PKD2: variants seen among roughly 807,000 people sequenced by gnomAD.
The protein encoded by PKD2 is polycystin-2.
PKD2 carries 48 observed loss-of-function variants against 105.9 expected under a neutral mutation model. That is an observed-to-expected ratio of 0.45 (90% CI 0.36 to 0.58). The LOEUF (loss-of-function observed/expected upper bound fraction) is 0.58. PKD2 is among the 20% of genes least tolerant of loss of function. PKD2 has a pLI of 0.00. For missense variants in PKD2, 1,078 were observed against 1,255.3 expected (o/e 0.86, Z 2.13); for synonymous variants, 464 against 481.1 (o/e 0.96, Z 0.46).
In PKD2 at chr4:88,007,957, C is replaced by A; in HGVS notation, c.224C>A (p.Pro75His). The A allele has an allele frequency of 6.7e-7, 1 of 1,488,068 alleles. No individual in the cohort carries two copies. The highest frequency in any genetic ancestry group is 8.9e-7 in the Non-Finnish European group (1 of 1,121,586). The allele number at this position is 1,488,068 out of a possible 1,614,324, so 92.2% of individuals were successfully genotyped here. The change falls in exon 1 of 15, where the codon CCT becomes CAT. Residue 75 changes from proline to histidine, a missense_variant. Physicochemically the swap from Pro to His is moderately conservative, Grantham distance 77 (BLOSUM62 -2). Transcript: ENST00000237596. ...RDPPAGAAAS[P>H]SPPLSSCSRQ... ...CCCCCGGCCGGAGCCGCGGCCTCCC[C>A]TTCTCCTCCGCTCTCGTCGTGCTCC...
rs902705507 is a variant in PKD2, at chr4:88,077,362, A to G, written c.*1668A>G. On this transcript the variant is annotated 3_prime_UTR_variant, in exon 15 of 15. Transcript: ENST00000237596. ...ACAAAGTTCTTTATTACTACATACT[A>G]AAGTTTGCATTCCAGGGATATTGAC... 3.9e-5 allele frequency: 6 copies of G among 152,646 alleles called. No individual in the cohort carries two copies. Among genetic ancestry groups the G allele is most frequent in the African/African-American group, 1.2e-4 (5 of 41,458 alleles). 9.5% of individuals were successfully genotyped at this position (152,646 alleles called of 1,614,324 possible). A position where few individuals can be genotyped will look rare whatever the true frequency, so the allele number is the denominator to read the frequency against.
intron 13 of PKD2, among the ~76,000 whole-genome samples, chr4:88,070,926 C>T (rs999757990): frequency 6.6e-6 from 1 of 151,412 alleles, no homozygotes; most frequent in African/African-American, 2.4e-5. Context: ...TGAGCCACCG[C>T]ACTTAGCCTG....
At chr4:88,041,973 T>C (rs1330580274) in intron 4 of PKD2, among the ~76,000 whole-genome samples, 3 of 152,156 alleles carry the variant, frequency 2.0e-5, no homozygotes, top group Non-Finnish European at 4.4e-5. Flanking sequence ...GTGTGCCTCT[T>C]AGAACTTTCC....
chr4:88,031,073 G>C (rs1210144298), intron 2 of PKD2, among the ~76,000 whole-genome samples: 2 of 152,066 alleles, frequency 1.3e-5, no homozygotes, highest in Non-Finnish European at 2.9e-5. Flanking sequence ...TTGAATTTTG[G>C]TCTTTTTCCA....
At chr4:88,063,724 G>A (rs1347844273) in intron 10 of PKD2, among the ~76,000 whole-genome samples, 6 of 152,136 alleles carry the variant, frequency 3.9e-5, no homozygotes, top group African/African-American at 1.4e-4. Context: ...AGAACTTAGG[G>A]CAGGTCTATC....
At chr4:88,069,372 G>A (rs1422401458) in intron 13 of PKD2, among the ~76,000 whole-genome samples, 3 of 151,178 alleles carry the variant, frequency 2.0e-5, no homozygotes, top group Non-Finnish European at 3.0e-5. Flanking sequence ...CTCTTTCACT[G>A]CTTTCTTGTA....
At chr4:88,012,230 A>G (rs914958118) in intron 1 of PKD2, among the ~76,000 whole-genome samples, 1 of 152,214 alleles carries the variant, frequency 6.6e-6, no homozygotes, top group Non-Finnish European at 1.5e-5. Flanking sequence ...CCTGTGAAGA[A>G]AGAACTCTCA....
intron 13 of PKD2, among the ~76,000 whole-genome samples, chr4:88,069,435 AT>A (rs1328602796): frequency 1.3e-5 from 2 of 151,224 alleles, no homozygotes; most frequent in Non-Finnish European, 1.5e-5. Flanking sequence ...ATGATTTTTC[AT>A]TTTTTTTAGT....
chr4:88,007,802 G>A lies in PKD2; in HGVS notation c.69G>A (p.Ala23=). The A allele has an allele frequency of 1.7e-6, 2 of 1,165,640 alleles. No individual in the cohort carries two copies. The highest frequency in any genetic ancestry group is 2.1e-6 in the Non-Finnish European group (2 of 945,570). The allele number at this position is 1,165,640 out of a possible 1,614,324, so 72.2% of individuals were successfully genotyped here. A position where few individuals can be genotyped will look rare whatever the true frequency, so the allele number is the denominator to read the frequency against. The change falls in exon 1 of 15, where the codon GCG becomes GCA. Residue 23 remains alanine (A), a synonymous_variant. Coordinates refer to ENST00000237596, the MANE Select transcript of PKD2 (RefSeq NM_000297.4). ...CCAAGCGGCCGCCCGCGCCCCGCGCGCCGGACCCGGGCCGGCTGATGGCTG... is the reference window on the plus strand; with the variant it reads ...CCAAGCGGCCGCCCGCGCCCCGCGCACCGGACCCGGGCCGGCTGATGGCTG... ...GDAKRPPAPR[A]PDPGRLMAGC...
chr4:88,062,995 A>T (rs919071011), intron 10 of PKD2, among the ~76,000 whole-genome samples: 1 of 152,214 alleles, frequency 6.6e-6, no homozygotes, highest in Non-Finnish European at 1.5e-5. Context: ...TTCAAATTTC[A>T]GTTATCATAG....
In PKD2 at chr4:88,077,247, C is replaced by G. The variant is rs1396921736; in HGVS notation, c.*1553C>G. 1 of 152,578 alleles carries G rather than the reference C, an allele frequency of 6.6e-6. No individual in the cohort carries two copies. Among genetic ancestry groups the G allele is most frequent in the Non-Finnish European group, 1.5e-5 (1 of 68,032 alleles). 9.5% of individuals were successfully genotyped at this position (152,578 alleles called of 1,614,324 possible). ...CCAATGAGAACATGAGCAAATAGACCTTTCCAGGTTGAAAGTGAAACATAC... is the reference window on the plus strand; with the variant it reads ...CCAATGAGAACATGAGCAAATAGACGTTTCCAGGTTGAAAGTGAAACATAC... On this transcript the variant is annotated 3_prime_UTR_variant, in exon 15 of 15. Transcript: ENST00000237596.
chr4:88,051,912 GA>G, intron 6 of PKD2, 78 bp from the exon 7 acceptor site: 1 of 784,752 alleles, frequency 1.3e-6, no homozygotes, highest in Non-Finnish European at 2.1e-6. Flanking sequence ...CATTGGTGAA[GA>G]AAAATATACT....
At chr4:88,033,727 C>T (rs1033138406) in intron 2 of PKD2, among the ~76,000 whole-genome samples, 1 of 152,144 alleles carries the variant, frequency 6.6e-6, no homozygotes, top group Non-Finnish European at 1.5e-5. Flanking sequence ...GCAACAACCA[C>T]AGTAAACCCA....
intron 13 of PKD2, among the ~76,000 whole-genome samples, 155 bp from the exon 14 acceptor site, chr4:88,074,657 G>A (rs948844558): frequency 3.3e-5 from 5 of 152,154 alleles, no homozygotes; most frequent in Admixed American, 1.3e-4. Flanking sequence ...AGCGGCATCC[G>A]AGAGTTAATC....
chr4:88,074,694 T>C, intron 13 of PKD2, 118 bp from the exon 14 acceptor site: 2 of 1,035,716 alleles, frequency 1.9e-6, no homozygotes, highest in South Asian at 2.6e-5. Flanking sequence ...ACTTAGAAAG[T>C]GTTTCAAATG....
intron 2 of PKD2, among the ~76,000 whole-genome samples, chr4:88,022,899 G>T (rs1451546242): frequency 6.6e-6 from 1 of 152,044 alleles, no homozygotes; most frequent in Non-Finnish European, 1.5e-5. Context: ...TGGACAACAA[G>T]GTGAAACCCC....
At chr4:88,051,775 A>T (rs1399855679) in intron 6 of PKD2, among the ~76,000 whole-genome samples, 1 of 152,244 alleles carries the variant, frequency 6.6e-6, no homozygotes, top group African/African-American at 2.4e-5. Context: ...TTCTATTCCG[A>T]ACTAAGGAAA....
intron 2 of PKD2, among the ~76,000 whole-genome samples, chr4:88,029,076 C>T (rs1243194733): frequency 6.6e-6 from 1 of 152,100 alleles, no homozygotes; most frequent in Non-Finnish European, 1.5e-5. Context: ...GATTCTGCAG[C>T]CTCACTTCTG....
chr4:88,057,978 T>G lies in PKD2; in HGVS notation c.1899-5T>G. ...GTATTGTGGTGTTTTGTTTTATTTT[T>G]ATAGCTTCACTCAATTCCGTATCAT... On this transcript the variant is annotated splice_polypyrimidine_tract_variant and splice_region_variant and intron_variant, in intron 8 of 14. Coordinates refer to ENST00000237596, the MANE Select transcript of PKD2 (RefSeq NM_000297.4). 6.3e-7 allele frequency: 1 copy of G among 1,593,940 alleles called. No homozygotes were observed. The highest frequency in any genetic ancestry group is 8.6e-7 in the Non-Finnish European group (1 of 1,161,572).
Sources: gnomAD v4.1 joint callset for allele counts (sites outside exome capture counted in the v4.1 genomes callset) on GRCh38, gnomAD v4.1.1 for gene constraint, MANE v1.5 for transcripts, NCBI Gene and HGNC (gene_info 2026-07-23, HGNC 2026-07-21) for gene names.